The following NRXN1 variants were observed in gnomAD, a reference collection of about 807,000 sequenced individuals.
NRXN1 encodes the protein neurexin 1.
A neutral mutation model predicts 150.9 loss-of-function variants in NRXN1; 39 were observed. The observed-to-expected ratio is 0.26, with a 90% CI of 0.20 to 0.34. NRXN1 has a LOEUF of 0.34. Ranked by LOEUF, NRXN1 falls within the 10% of genes least tolerant of loss-of-function variation. The pLI is 1.00. For synonymous variants in NRXN1, 924 were observed against 757.0 expected (o/e 1.22, Z -3.62); for missense variants, 1,815 against 1,949.9 (o/e 0.93, Z 1.30).
intron 15 of NRXN1, among the ~76,000 whole-genome samples, chr2:50,487,564 C>T (rs1230938981): frequency 1.3e-5 from 2 of 152,184 alleles, no homozygotes; most frequent in Non-Finnish European, 2.9e-5. Flanking sequence ...AGCTTTTGAG[C>T]ATTTCTACCG....
At chr2:50,764,690 A>C (rs1702193993) in intron 5 of NRXN1, among the ~76,000 whole-genome samples, 1 of 151,960 alleles carries the variant, frequency 6.6e-6, no homozygotes, top group South Asian at 2.1e-4. Flanking sequence ...GTGCACAGAC[A>C]GAGAGATTAT....
chr2:50,515,752 G>C (rs2092612688), intron 12 of NRXN1, among the ~76,000 whole-genome samples: 1 of 151,918 alleles, frequency 6.6e-6, no homozygotes, highest in Non-Finnish European at 1.5e-5. Context: ...GTAGTCTCTG[G>C]GGTGAGGCAG....
chr2:50,901,309 G>A (rs1392819626), intron 5 of NRXN1, among the ~76,000 whole-genome samples: 2 of 152,088 alleles, frequency 1.3e-5, no homozygotes, highest in Admixed American at 1.3e-4. Flanking sequence ...GCTGAGGCGG[G>A]CGGATCACAA....
intron 5 of NRXN1, among the ~76,000 whole-genome samples, chr2:50,634,439 G>C (rs1050139343): frequency 3.3e-5 from 5 of 152,146 alleles, no homozygotes; most frequent in Admixed American, 1.3e-4. Context: ...CTATTTTATA[G>C]GGTAGTTGTA....
At chr2:50,900,345 G>A (rs907231320) in intron 5 of NRXN1, among the ~76,000 whole-genome samples, 1 of 152,124 alleles carries the variant, frequency 6.6e-6, no homozygotes, top group Non-Finnish European at 1.5e-5. Flanking sequence ...GTAAGTATCT[G>A]GGAGTTCACC....
chr2:50,429,442 G>A (rs7585534), intron 17 of NRXN1, among the ~76,000 whole-genome samples: 45,763 of 151,492 alleles, frequency 0.3, 7,189 homozygotes, highest in East Asian at 0.39. Context: ...TTTTTAGTAG[G>A]GAGGGGGTTT....
intron 18 of NRXN1, among the ~76,000 whole-genome samples, chr2:50,144,859 G>A (rs544351958): frequency 6.6e-6 from 1 of 151,688 alleles, no homozygotes; most frequent in East Asian, 1.9e-4. Flanking sequence ...CAACATGATA[G>A]AATATTTACC....
At chr2:50,032,738 C>A (rs1349111386) in intron 21 of NRXN1, among the ~76,000 whole-genome samples, 1 of 151,702 alleles carries the variant, frequency 6.6e-6, no homozygotes, top group Non-Finnish European at 1.5e-5. Context: ...AAAGAGACAC[C>A]AGAGCTCTTT....
chr2:50,454,664 TCACACACACACA>T (rs3052512), intron 17 of NRXN1, among the ~76,000 whole-genome samples: 2,681 of 140,800 alleles, frequency 0.019, 93 homozygotes, highest in African/African-American at 0.066. Flanking sequence ...TGGGCAAAGA[TCACACACACACA>T]CACACACACA....
intron 22 of NRXN1, among the ~76,000 whole-genome samples, chr2:49,932,914 G>T (rs1670382902): frequency 6.6e-6 from 1 of 152,054 alleles, no homozygotes; most frequent in African/African-American, 2.4e-5. Flanking sequence ...TTTATAAATG[G>T]CACAGCCAAA....
At chr2:50,242,816 A>G (rs775911023) in intron 17 of NRXN1, among the ~76,000 whole-genome samples, 2 of 151,754 alleles carry the variant, frequency 1.3e-5, no homozygotes, top group African/African-American at 2.4e-5. Context: ...CTAGCTAAAG[A>G]GATTGGAGAA....
chr2:50,708,460 A>T (rs1452375495), intron 5 of NRXN1, among the ~76,000 whole-genome samples: 1 of 152,166 alleles, frequency 6.6e-6, no homozygotes, highest in East Asian at 1.9e-4. Context: ...GCTGCTGGGA[A>T]CAGGGCTTGA....
chr2:50,851,260 G>A (rs1419191045), intron 5 of NRXN1, among the ~76,000 whole-genome samples: 3 of 152,050 alleles, frequency 2.0e-5, no homozygotes. Context: ...TGAGGGTGAC[G>A]GGATAAGACT....
intron 18 of NRXN1, among the ~76,000 whole-genome samples, chr2:50,150,670 A>AT (rs1306937306): frequency 5.3e-5 from 8 of 151,804 alleles, no homozygotes; most frequent in South Asian, 4.1e-4. Flanking sequence ...ACCTATCTAT[A>AT]TTTTTTTGTT....
chr2:49,995,554 G>A (rs896730314), intron 21 of NRXN1, among the ~76,000 whole-genome samples: 6 of 151,746 alleles, frequency 4.0e-5, no homozygotes, highest in African/African-American at 1.4e-4. Flanking sequence ...GGCCGAGGCG[G>A]GCGGATCACG....
chr2:50,840,303 A>G (rs1346995945), intron 5 of NRXN1, among the ~76,000 whole-genome samples: 1 of 152,164 alleles, frequency 6.6e-6, no homozygotes, highest in Non-Finnish European at 1.5e-5. Flanking sequence ...CCGTGAAACC[A>G]AGATTGATGC....
At chr2:50,670,337 T>C (rs915615806) in intron 5 of NRXN1, among the ~76,000 whole-genome samples, 4 of 152,036 alleles carry the variant, frequency 2.6e-5, no homozygotes, top group Non-Finnish European at 5.9e-5. Flanking sequence ...CTCTTCCATA[T>C]ATTTAATGCT....
chr2:50,677,437 T>G (rs1171674034), intron 5 of NRXN1, among the ~76,000 whole-genome samples: 4 of 152,182 alleles, frequency 2.6e-5, no homozygotes, highest in African/African-American at 9.6e-5. Flanking sequence ...TAAGAAACTC[T>G]ACTGTATTTC....
At chr2:50,300,231 G>C (rs2074024841) in intron 17 of NRXN1, among the ~76,000 whole-genome samples, 1 of 152,210 alleles carries the variant, frequency 6.6e-6, no homozygotes, top group Non-Finnish European at 1.5e-5. Context: ...AACTTTTTAA[G>C]CTGGACTGAG....
Sources: gnomAD v4.1 joint callset for allele counts (sites outside exome capture counted in the v4.1 genomes callset) on GRCh38, gnomAD v4.1.1 for gene constraint, MANE v1.5 for transcripts, NCBI Gene and HGNC (gene_info 2026-07-23, HGNC 2026-07-21) for gene names.